ERC2: variants seen among roughly 807,000 people sequenced by gnomAD.
ERC2 encodes ELKS/RAB6-interacting/CAST family member 2.
In ERC2, 42 loss-of-function variants were observed where a neutral mutation model predicts 114.8. That is an observed-to-expected ratio of 0.37 (90% CI 0.29 to 0.47). The LOEUF is 0.47. Ranked by LOEUF, ERC2 falls within the 20% of genes least tolerant of loss-of-function variation. The pLI, the probability that ERC2 is intolerant of heterozygous loss-of-function variation, is 0.99. For missense variants in ERC2, 939 were observed against 1,150.7 expected (o/e 0.82, Z 2.66); for synonymous variants, 454 against 425.5 (o/e 1.07, Z -0.82).
At chr3:55,681,445 A>G (rs1385610872) in intron 17 of ERC2, among the ~76,000 whole-genome samples, 2 of 152,198 alleles carry the variant, frequency 1.3e-5, no homozygotes, top group Admixed American at 1.3e-4. Context: ...ATGTACCACT[A>G]TTATCCATCT....
intron 3 of ERC2, among the ~76,000 whole-genome samples, chr3:56,260,743 C>G (rs1340917511): frequency 2.0e-5 from 3 of 152,252 alleles, no homozygotes; most frequent in African/African-American, 4.8e-5. Context: ...CACTCCAGAT[C>G]AGCCTTCCTT....
At chr3:55,882,033 T>G (rs1281131599) in intron 14 of ERC2, among the ~76,000 whole-genome samples, 2 of 152,208 alleles carry the variant, frequency 1.3e-5, no homozygotes, top group Non-Finnish European at 2.9e-5. Context: ...ATTTGTCCCC[T>G]CCAAAACTCC....
At chr3:56,004,663 A>G (rs1243245640) in intron 10 of ERC2, among the ~76,000 whole-genome samples, 1 of 152,036 alleles carries the variant, frequency 6.6e-6, no homozygotes, top group Admixed American at 6.6e-5. Context: ...GTTTCTGTTC[A>G]ACGACACACA....
intron 12 of ERC2, among the ~76,000 whole-genome samples, chr3:55,961,046 C>T (rs558060605): frequency 6.6e-6 from 1 of 152,362 alleles, no homozygotes; most frequent in East Asian, 1.9e-4. Context: ...AGCTACTCCG[C>T]TGGGGCGGAG....
At chr3:55,666,210 C>G (rs1233419391) in intron 17 of ERC2, among the ~76,000 whole-genome samples, 1 of 152,150 alleles carries the variant, frequency 6.6e-6, no homozygotes. Context: ...TTGACTCCAG[C>G]AGGAGCTCTC....
intron 1 of ERC2, among the ~76,000 whole-genome samples, chr3:56,454,366 C>G (rs1314878451): frequency 6.6e-6 from 1 of 152,162 alleles, no homozygotes; most frequent in African/African-American, 2.4e-5. Context: ...ATATCAGAAT[C>G]TCTGCCTGAG....
chr3:55,638,348 A>C (rs553930963), intron 17 of ERC2, among the ~76,000 whole-genome samples: 1 of 152,298 alleles, frequency 6.6e-6, no homozygotes, highest in South Asian at 2.1e-4. Context: ...CAAATGGTTA[A>C]TGTCGAGTTC....
intron 2 of ERC2, among the ~76,000 whole-genome samples, chr3:56,302,998 T>G (rs959498461): frequency 1.3e-5 from 2 of 152,202 alleles, no homozygotes; most frequent in Admixed American, 1.3e-4. Context: ...TCTCCTCAAG[T>G]GCAAAGTGAG....
At chr3:55,723,800 C>A (rs1025633113) in intron 15 of ERC2, among the ~76,000 whole-genome samples, 1 of 152,164 alleles carries the variant, frequency 6.6e-6, no homozygotes, top group Non-Finnish European at 1.5e-5. Flanking sequence ...ATGACAAAAT[C>A]AATATCACTT....
chr3:56,363,597 T>C (rs1182042882), intron 2 of ERC2, among the ~76,000 whole-genome samples: 1 of 152,130 alleles, frequency 6.6e-6, no homozygotes, highest in Admixed American at 6.5e-5. Context: ...CAATTTTCTT[T>C]GTATTGAAAA....
chr3:55,858,017 T>C, intron 14 of ERC2, among the ~76,000 whole-genome samples: 1 of 152,218 alleles, frequency 6.6e-6, no homozygotes, highest in East Asian at 1.9e-4. Flanking sequence ...AACTTGGCAT[T>C]AAGCCTTAAT....
At chr3:55,646,190 T>C (rs1195932775) in intron 17 of ERC2, among the ~76,000 whole-genome samples, 1 of 152,254 alleles carries the variant, frequency 6.6e-6, no homozygotes, top group African/African-American at 2.4e-5. Context: ...CCTGTGTTTC[T>C]TTCTTGCATA....
intron 17 of ERC2, among the ~76,000 whole-genome samples, chr3:55,655,778 G>A (rs1440859152): frequency 6.6e-6 from 1 of 152,184 alleles, no homozygotes; most frequent in Non-Finnish European, 1.5e-5. Flanking sequence ...ATGTGGATAG[G>A]GATGTGTGTT....
intron 14 of ERC2, among the ~76,000 whole-genome samples, chr3:55,795,130 T>C: frequency 6.6e-6 from 1 of 152,160 alleles, no homozygotes. Context: ...AAAAAGTACA[T>C]TAACGTTCTT....
chr3:56,265,991 T>C (rs1304814525), intron 3 of ERC2, among the ~76,000 whole-genome samples: 2 of 149,134 alleles, frequency 1.3e-5, no homozygotes, highest in East Asian at 4.0e-4. Flanking sequence ...ATCATGCCAC[T>C]GCACTTCAGC....
intron 3 of ERC2, among the ~76,000 whole-genome samples, chr3:56,256,467 T>C (rs1278657274): frequency 6.6e-6 from 1 of 152,198 alleles, no homozygotes; most frequent in East Asian, 1.9e-4. Context: ...CCTTAACATG[T>C]CGAGAGAGTT....
At chr3:56,206,160 C>T (rs1185132247) in intron 3 of ERC2, among the ~76,000 whole-genome samples, 1 of 146,632 alleles carries the variant, frequency 6.8e-6, no homozygotes. Context: ...GTAACTTTCT[C>T]AAAATCACAC....
intron 5 of ERC2, among the ~76,000 whole-genome samples, chr3:56,144,930 A>G (rs1423163722): frequency 2.0e-5 from 3 of 152,216 alleles, no homozygotes; most frequent in South Asian, 4.1e-4. Flanking sequence ...AAAGTGATGC[A>G]ATCGAACATA....
intron 15 of ERC2, among the ~76,000 whole-genome samples, chr3:55,728,800 G>A (rs976647402): frequency 6.6e-6 from 1 of 152,136 alleles, no homozygotes; most frequent in South Asian, 2.1e-4. Context: ...GTCAAGACTT[G>A]TACTCTGACG....
Sources: allele counts gnomAD v4.1 joint callset (sites outside exome capture counted in the v4.1 genomes callset), GRCh38; gene constraint gnomAD v4.1.1; transcripts MANE v1.5; gene names NCBI Gene and HGNC (gene_info 2026-07-23, HGNC 2026-07-21).